The following NSD2 variants were observed in gnomAD, a reference collection of about 807,000 sequenced individuals.
NSD2 encodes the protein histone-lysine N-methyltransferase NSD2.
In NSD2, 12 loss-of-function variants were observed where a neutral mutation model predicts 139.0. That is an observed-to-expected ratio of 0.09 (90% CI 0.06 to 0.14). The LOEUF is 0.14. Among genes scored for constraint, NSD2 ranks in the 10% least tolerant of loss-of-function variants. The pLI is 1.00. For synonymous variants in NSD2, 669 were observed against 648.7 expected (o/e 1.03, Z -0.48); for missense variants, 1,155 against 1,745.0 (o/e 0.66, Z 6.02).
chr4:1,872,589 TGTGAGAGAGAGAGAGAGAGA>T (rs1261890531), intron 1 of NSD2, among the ~76,000 whole-genome samples: 10 of 44,420 alleles, frequency 2.3e-4, no homozygotes, highest in African/African-American at 6.7e-4. Context: ...TGTGTGTGTG[TGTGAGAGAGAGAGAGAGAGA>T]GAGAGAGAGA....
At chr4:1,968,825 C>G (rs1054551160) in intron 18 of NSD2, among the ~76,000 whole-genome samples, 1 of 152,186 alleles carries the variant, frequency 6.6e-6, no homozygotes, top group South Asian at 2.1e-4. Context: ...AGATTAGATG[C>G]ACGTCCGACA....
In NSD2 at chr4:1,976,815, G is replaced by A. The variant is rs1170749816; in HGVS notation, c.3826+136G>A. 1.1e-5 allele frequency: 10 copies of A among 880,016 alleles called. No homozygotes were observed. The African/African-American group carries it at 1.5e-4, about 13-fold the overall frequency. 54.5% of individuals were successfully genotyped at this position (880,016 alleles called of 1,614,324 possible). A position where few individuals can be genotyped will look rare whatever the true frequency, so the allele number is the denominator to read the frequency against. The stretch of plus-strand genomic sequence containing the variant: ...CAGGCGCTCATGCAGCGAAGGCCCT[G>A]ATCCAGGGTGGCAGAGCCTTTCTTT... On this transcript the variant is annotated intron_variant, in intron 21 of 21. Coordinates refer to ENST00000508803, the MANE Select transcript of NSD2 (RefSeq NM_001042424.3). This position sits in a 1 kb window ranked among gnomAD's most constrained non-coding sequence, Gnocchi z 5.3.
chr4:1,975,385 C>T lies in NSD2; in HGVS notation c.3606C>T (p.Leu1202=), dbSNP rs139606787. Residue 1202 remains leucine (L), a synonymous_variant, in exon 20 of 22, where the codon CTC becomes CTT. Transcript: ENST00000508803. ...GAGCCTCCAATTGCAGTGGATTCCT[C>T]GGGGATAGACCAAAGGTAAGGCTGT... ...RCGASNCSGF[L]GDRPKTSTTL... 8.1e-6 allele frequency: 13 copies of T among 1,614,078 alleles called. No individual in the cohort carries two copies. The highest frequency in any genetic ancestry group is 1.1e-5 in the South Asian group (1 of 91,066).
At chr4:1,965,240 A>C (rs2108990637) in intron 18 of NSD2, among the ~76,000 whole-genome samples, 1 of 152,286 alleles carries the variant, frequency 6.6e-6, no homozygotes, top group Admixed American at 6.5e-5. Context: ...AAAGTCAAGA[A>C]AATCATGCAT....
At chr4:1,953,039 A>G in intron 11 of NSD2, 2 of 1,445,112 alleles carry the variant, frequency 1.4e-6, no homozygotes, top group Non-Finnish European at 1.8e-6. Flanking sequence ...CCTTCTTTCA[A>G]GCTTCTTGCC....
At chr4:1,873,245 T>C (rs1413828847) in intron 1 of NSD2, among the ~76,000 whole-genome samples, 1 of 152,206 alleles carries the variant, frequency 6.6e-6, no homozygotes, top group African/African-American at 2.4e-5. Flanking sequence ...GTACAAAAAT[T>C]GTCCTCTCCT....
chr4:1,964,488 A>T (rs1725673314), intron 18 of NSD2, among the ~76,000 whole-genome samples: 1 of 152,228 alleles, frequency 6.6e-6, no homozygotes, highest in South Asian at 2.1e-4. Context: ...ACAGCCATGC[A>T]CATGTTCTTG....
chr4:1,935,019 G>GGGTTACA, intron 6 of NSD2, 125 bp from the exon 7 acceptor site: 1 of 564,356 alleles, frequency 1.8e-6, no homozygotes, highest in Non-Finnish European at 3.1e-6. Flanking sequence ...GAAATCAGCA[G>GGGTTACA]GGTTACAGGA....
chr4:1,889,504 CTTTTTT>C (rs768102024), intron 1 of NSD2, among the ~76,000 whole-genome samples: 1 of 142,372 alleles, frequency 7.0e-6, no homozygotes, highest in African/African-American at 2.6e-5. Context: ...CAAGATTTGA[CTTTTTT>C]TTTTTTTTGA....
intron 1 of NSD2, among the ~76,000 whole-genome samples, chr4:1,882,258 A>C (rs930344106): frequency 1.3e-5 from 2 of 152,180 alleles, no homozygotes; most frequent in Non-Finnish European, 2.9e-5. Context: ...TGCTCTGGCC[A>C]TTGGAAAGTG....
At chr4:1,967,455 A>G (rs1726004317) in intron 18 of NSD2, among the ~76,000 whole-genome samples, 1 of 152,010 alleles carries the variant, frequency 6.6e-6, no homozygotes, top group Non-Finnish European at 1.5e-5. Flanking sequence ...GCGGGCGCCC[A>G]TAATCCCAGC....
At chr4:1,882,238 G>A (rs779643815) in intron 1 of NSD2, among the ~76,000 whole-genome samples, 16 of 152,156 alleles carry the variant, frequency 1.1e-4, no homozygotes, top group Non-Finnish European at 2.4e-4. Flanking sequence ...ATGTGGTGTG[G>A]CCTGTGATTT....
intron 3 of NSD2, among the ~76,000 whole-genome samples, chr4:1,909,013 T>G (rs527517891): frequency 6.6e-6 from 1 of 152,252 alleles, no homozygotes; most frequent in African/African-American, 2.4e-5. Flanking sequence ...TAACTGGCTA[T>G]TATTGCACTT....
chr4:1,915,366 G>A (rs1719247973), intron 3 of NSD2, among the ~76,000 whole-genome samples: 1 of 151,890 alleles, frequency 6.6e-6, no homozygotes, highest in African/African-American at 2.4e-5. Context: ...CGCCTGCCTC[G>A]GCCTCCCAAA....
chr4:1,933,353 G>GAC (rs1721902611), intron 6 of NSD2, among the ~76,000 whole-genome samples: 1 of 152,216 alleles, frequency 6.6e-6, no homozygotes, highest in Non-Finnish European at 1.5e-5. Flanking sequence ...GCTTGAGGGT[G>GAC]ACAGCGTCCT....
intron 15 of NSD2, 88 bp from the exon 16 acceptor site, chr4:1,957,845 G>C (rs914992881): frequency 5.8e-5 from 72 of 1,245,556 alleles, no homozygotes; most frequent in Non-Finnish European, 7.2e-5. Flanking sequence ...AACATTGAAA[G>C]TTTAGAGTGA....
chr4:1,924,497 T>C (rs1720587961), intron 5 of NSD2, among the ~76,000 whole-genome samples: 3 of 152,150 alleles, frequency 2.0e-5, no homozygotes, highest in African/African-American at 7.2e-5. Context: ...CTATTGGCTT[T>C]TTGGGACCCA....
chr4:1,942,664 C>T lies in NSD2; in HGVS notation c.1881+2886C>T. On this transcript the variant is annotated intron_variant, in intron 9 of 21. Transcript: ENST00000508803. This position sits in a 1 kb window ranked among gnomAD's most constrained non-coding sequence, Gnocchi z 4.0. Reference sequence around the variant, plus strand: ...TCAATGTAGATTTCAAGTTGAAAGGCAGTCCCTTTAGTTGGGGGCTGTCCA... The same window carrying T: ...TCAATGTAGATTTCAAGTTGAAAGGTAGTCCCTTTAGTTGGGGGCTGTCCA... 1 of 1,164,584 alleles carries T rather than the reference C, an allele frequency of 8.6e-7. No individual in the cohort carries two copies. The highest frequency in any genetic ancestry group is 1.1e-6 in the Non-Finnish European group (1 of 940,452). 72.1% of individuals were successfully genotyped at this position (1,164,584 alleles called of 1,614,324 possible).
At position 1,979,205 on chromosome 4, in the gene NSD2, A is replaced by T. The variant is rs114085362; in HGVS notation, c.*296A>T. 2.6e-5 allele frequency: 9 copies of T among 349,060 alleles called. 1 individual carries two copies. The South Asian group carries it at 3.8e-4, about 15-fold the overall frequency. 21.6% of individuals were successfully genotyped at this position (349,060 alleles called of 1,614,324 possible). On this transcript the variant is annotated 3_prime_UTR_variant, in exon 22 of 22. Transcript: ENST00000508803. ...GAATGTCAAGGTTCCCTCCCACTCT[A>T]TTTTTTTAGGTTAAAGTTAATTGGC...
Sources: allele counts gnomAD v4.1 joint callset (sites outside exome capture counted in the v4.1 genomes callset), GRCh38; gene constraint gnomAD v4.1.1; non-coding constraint Gnocchi (gnomAD v3.1); transcripts MANE v1.5; gene names NCBI Gene and HGNC (gene_info 2026-07-23, HGNC 2026-07-21).